Variants in PRLR observed in about 807,000 individuals in gnomAD.
PRLR encodes prolactin receptor, also known as hPRL receptor.
A neutral mutation model predicts 40.2 loss-of-function variants in PRLR; 13 were observed. That is an observed-to-expected ratio of 0.32 (90% CI 0.21 to 0.51). The LOEUF (loss-of-function observed/expected upper bound fraction) is 0.51, where lower values mean the gene tolerates loss of function less well. PRLR is among the 20% of genes least tolerant of loss of function. The probability of loss-of-function intolerance (pLI) is 0.97; values close to 1 mark genes in which losing one functional copy is unlikely to be tolerated. For synonymous variants in PRLR, 269 were observed against 278.7 expected (o/e 0.97, Z 0.35); for missense variants, 656 against 747.3 (o/e 0.88, Z 1.42).
At chr5:35,097,727 T>G (rs903843398) in intron 2 of PRLR, among the ~76,000 whole-genome samples, 19 of 152,124 alleles carry the variant, frequency 1.2e-4, no homozygotes, top group African/African-American at 4.3e-4. Context: ...CTGAAGGCTG[T>G]GGGAACCGGG....
At chr5:35,070,532 C>T (rs2112394317) in intron 6 of PRLR, among the ~76,000 whole-genome samples, 1 of 152,198 alleles carries the variant, frequency 6.6e-6, no homozygotes, top group South Asian at 2.1e-4. Context: ...AAAACAACTA[C>T]TTAATAAATG....
At chr5:35,136,909 G>A (rs113990307) in intron 1 of PRLR, among the ~76,000 whole-genome samples, 26 of 149,524 alleles carry the variant, frequency 1.7e-4, no homozygotes, top group African/African-American at 4.5e-4. Context: ...TGCTGGTATC[G>A]AGTCCACACT....
Position 35,057,038 on chromosome 5 carries a change from T to C in PRLR, c.*8051A>G, listed in dbSNP as rs1325948754. The C allele has an allele frequency of 6.6e-6, 1 of 152,208 alleles. No homozygotes were observed. The highest frequency in any genetic ancestry group is 1.5e-5 in the Non-Finnish European group (1 of 68,020). The allele number at this position is 152,208 out of a possible 1,614,324, so 9.4% of individuals were successfully genotyped here. A position where few individuals can be genotyped will look rare whatever the true frequency, so the allele number is the denominator to read the frequency against. On this transcript the variant is annotated 3_prime_UTR_variant, in exon 10 of 10. Transcript: ENST00000618457. ...ATCTGATGGATTTTGTCAGAAAAGATGTTGTTAATAATATGGATAAATAAT... is the reference window on the plus strand; with the variant it reads ...ATCTGATGGATTTTGTCAGAAAAGACGTTGTTAATAATATGGATAAATAAT...
chr5:35,155,765 G>A (rs1467919764), intron 1 of PRLR, among the ~76,000 whole-genome samples: 1 of 152,178 alleles, frequency 6.6e-6, no homozygotes, highest in South Asian at 2.1e-4. Context: ...TTGCAACATG[G>A]TAGTTTTAGG....
chr5:35,209,035 TTGAC>T (rs1192929076), intron 1 of PRLR, among the ~76,000 whole-genome samples: 22 of 152,280 alleles, frequency 1.4e-4, no homozygotes, highest in African/African-American at 5.3e-4. Flanking sequence ...ACATATATTA[TTGAC>T]TATCATATAA....
intron 1 of PRLR, among the ~76,000 whole-genome samples, chr5:35,148,163 T>C (rs899834912): frequency 6.6e-6 from 1 of 152,178 alleles, no homozygotes; most frequent in Non-Finnish European, 1.5e-5. Context: ...AAACTGTCTT[T>C]TAAAAAAATT....
At position 35,077,068 on chromosome 5, in the gene PRLR, C is replaced by A. The variant is rs182942230; in HGVS notation, c.374-4324G>T. ...AAGCACTAAACATGGAAAGGAACAA[C>A]CGGTACCAGCCACTGCAAAAACATG... is the stretch of plus-strand genomic sequence containing the variant. On this transcript the variant is annotated intron_variant, in intron 5 of 9. Transcript: ENST00000618457. 3.6e-3 allele frequency among the ~76,000 whole-genome samples: 551 copies of A among 152,278 alleles called. 5 individuals carry two copies. Among genetic ancestry groups the A allele is most frequent in the African/African-American group, 0.012 (519 of 41,552 alleles).
chr5:35,081,804 C>A (rs544673090), intron 5 of PRLR: 2 of 153,760 alleles, frequency 1.3e-5, no homozygotes, highest in Non-Finnish European at 2.9e-5. Flanking sequence ...CACACACACA[C>A]ACACACACAC....
In PRLR at chr5:35,117,133, G is replaced by A. The variant is rs548654103; in HGVS notation, c.-44+928C>T. Among the ~76,000 whole-genome samples, 55 of 152,160 alleles carry A rather than the reference G, an allele frequency of 3.6e-4. No individual in the cohort carries two copies. In the East Asian group the frequency reaches 9.3e-3, roughly 26 times the overall value. ...GGAGCCCCACCACCCAAAACGATCC[G>A]ACCCAGAATGCCTACACTGTTGTTT... On this transcript the variant is annotated intron_variant, in intron 2 of 9. Transcript: ENST00000618457.
At chr5:35,098,758 A>G (rs1771685188) in intron 2 of PRLR, among the ~76,000 whole-genome samples, 1 of 152,196 alleles carries the variant, frequency 6.6e-6, no homozygotes, top group South Asian at 2.1e-4. Flanking sequence ...GGCACTGCTT[A>G]TTTGTCTCAG....
intron 1 of PRLR, among the ~76,000 whole-genome samples, chr5:35,171,785 T>C (rs1323851007): frequency 2.0e-5 from 3 of 152,144 alleles, no homozygotes; most frequent in Admixed American, 2.0e-4. Context: ...CTTAAGTTCA[T>C]CCCTCAAAAT....
rs142755317 is a variant in PRLR at position 35,099,445 on chromosome 5, T to C, written c.-43-9782A>G. Among the ~76,000 whole-genome samples the C allele has an allele frequency of 2.6e-5, 4 of 152,374 alleles. No homozygotes were observed. In the East Asian group the frequency reaches 7.7e-4, roughly 29 times the overall value. ...TAAAAGTAGAGCGCATACAATTATG[T>C]GCAGTATATATACTTGATAATAACT... On this transcript the variant is annotated intron_variant, in intron 2 of 9. Coordinates refer to ENST00000618457, the MANE Select transcript of PRLR (RefSeq NM_000949.7).
At chr5:35,127,221 C>G (rs796268754) in intron 1 of PRLR, among the ~76,000 whole-genome samples, 12 of 152,334 alleles carry the variant, frequency 7.9e-5, no homozygotes, top group African/African-American at 2.9e-4. Context: ...GCTTCACACT[C>G]AGCTGTGAAC....
In PRLR at chr5:35,063,374, A is replaced by G. The variant is rs1282137059; in HGVS notation, c.*1715T>C. ...AGGTGAGCTCAAGTTCTCTATGTCC[A>G]GCTAGTAAATGGACATATAGAATGG... On this transcript the variant is annotated 3_prime_UTR_variant, in exon 10 of 10. Transcript: ENST00000618457. The G allele has an allele frequency of 6.6e-6, 1 of 152,180 alleles. No individual in the cohort carries two copies. The highest frequency in any genetic ancestry group is 2.4e-5 in the African/African-American group (1 of 41,446). The allele number at this position is 152,180 out of a possible 1,614,324, so 9.4% of individuals were successfully genotyped here. A position where few individuals can be genotyped will look rare whatever the true frequency, so the allele number is the denominator to read the frequency against.
At chr5:35,185,696 A>G (rs1408325006) in intron 1 of PRLR, among the ~76,000 whole-genome samples, 2 of 152,208 alleles carry the variant, frequency 1.3e-5, no homozygotes, top group East Asian at 1.9e-4. Flanking sequence ...CAGGAATTCT[A>G]TCTATACACA....
At chr5:35,142,438 CACA>C (rs1774052617) in intron 1 of PRLR, among the ~76,000 whole-genome samples, 1 of 152,168 alleles carries the variant, frequency 6.6e-6, no homozygotes, top group East Asian at 1.9e-4. Context: ...ATCTTATAGC[CACA>C]ACAAGAGAGA....
At position 35,065,425 on chromosome 5, in the gene PRLR, C is replaced by T; in HGVS notation, c.1533G>A (p.Glu511=). 1 of 1,614,152 alleles carries T rather than the reference C, an allele frequency of 6.2e-7. No homozygotes were observed. The highest frequency in any genetic ancestry group is 8.5e-7 in the Non-Finnish European group (1 of 1,180,022). The part of the protein sequence containing the change: ...FGSAKPLDYV[E]IHKVNKDGAL... ...CACCATCTTTGTTGACCTTGTGAATCTCCACATAATCCAAGGGTTTAGCGG... is the reference window on the plus strand; with the variant it reads ...CACCATCTTTGTTGACCTTGTGAATTTCCACATAATCCAAGGGTTTAGCGG... The change falls in exon 10 of 10, where the codon GAG becomes GAA. Residue 511 remains glutamate (E), a synonymous_variant. Coordinates refer to ENST00000618457, the MANE Select transcript of PRLR (RefSeq NM_000949.7).
intron 1 of PRLR, among the ~76,000 whole-genome samples, chr5:35,213,714 A>G (rs145006039): frequency 6.1e-4 from 93 of 152,284 alleles, no homozygotes; most frequent in African/African-American, 2.2e-3. Context: ...GCACACAGCT[A>G]CTCAAGTCTG....
chr5:35,054,020 A>G (rs1459153248), downstream of PRLR, among the ~76,000 whole-genome samples: 2 of 152,256 alleles, frequency 1.3e-5, no homozygotes, highest in East Asian at 3.8e-4. Flanking sequence ...AGAAGATGAC[A>G]AAGATGGCAT....
Sources: gnomAD v4.1 joint callset for allele counts (sites outside exome capture counted in the v4.1 genomes callset) on GRCh38, gnomAD v4.1.1 for gene constraint, MANE v1.5 for transcripts, NCBI Gene and HGNC (gene_info 2026-07-23, HGNC 2026-07-21) for gene names.